DACH2: variants seen among roughly 807,000 people sequenced by gnomAD.
DACH2 encodes dachshund homolog 2.
A neutral mutation model predicts 35.8 loss-of-function variants in DACH2; 17 were observed. The observed-to-expected ratio is 0.48, with a 90% CI of 0.33 to 0.71. DACH2 has a LOEUF of 0.71. DACH2 is among the 30% of genes least tolerant of loss of function. The pLI, the probability that DACH2 is intolerant of heterozygous loss-of-function variation, is 0.02. For missense variants in DACH2, 469 were observed against 472.7 expected (o/e 0.99, Z 0.07); for synonymous variants, 195 against 177.3 (o/e 1.10, Z -0.79).
chrX:86,364,556 C>A (rs894067037), intron 1 of DACH2, among the ~76,000 whole-genome samples: 1 of 110,989 alleles, frequency 9.0e-6, no homozygotes, highest in Admixed American at 9.7e-5. Context: ...GCTAAGGAAT[C>A]CTAAACAAGG....
At chrX:86,339,034 A>C (rs2035368320) in intron 1 of DACH2, among the ~76,000 whole-genome samples, 1 of 111,866 alleles carries the variant, frequency 8.9e-6, no homozygotes, top group Admixed American at 9.5e-5. Context: ...CAAATCCCTG[A>C]ATAGACCAAT....
chrX:86,434,531 A>G (rs2037036615), intron 2 of DACH2, among the ~76,000 whole-genome samples: 2 of 111,888 alleles, frequency 1.8e-5, no homozygotes, highest in Admixed American at 1.9e-4. Context: ...AAGTATAGAA[A>G]CATTTCATTA....
intron 1 of DACH2, among the ~76,000 whole-genome samples, chrX:86,195,076 C>T (rs867882751): frequency 1.8e-5 from 2 of 113,095 alleles, no homozygotes; most frequent in Middle Eastern, 9.2e-3. Context: ...CCCCACACTG[C>T]AGCTTCCCCT....
At chrX:86,804,773 G>A (rs1229819495) in intron 7 of DACH2, among the ~76,000 whole-genome samples, 1 of 112,603 alleles carries the variant, frequency 8.9e-6, no homozygotes, top group African/African-American at 3.2e-5. Context: ...CTGAAACCTA[G>A]CAGCGCAGTC....
intron 2 of DACH2, among the ~76,000 whole-genome samples, chrX:86,473,398 A>T (rs2037790955): frequency 9.0e-6 from 1 of 110,749 alleles, no homozygotes; most frequent in African/African-American, 3.3e-5. Flanking sequence ...TTTTTTAAAA[A>T]TGTACAATTA....
intron 1 of DACH2, among the ~76,000 whole-genome samples, chrX:86,185,889 TA>T (rs1490740605): frequency 8.9e-6 from 1 of 112,315 alleles, no homozygotes; most frequent in Non-Finnish European, 1.9e-5. Context: ...GCCATCTTTA[TA>T]TAGGGTTTAA....
In DACH2 at chrX:86,649,029, C is replaced by T. The variant is rs960281527; in HGVS notation, c.641-2007C>T. On this transcript the variant is annotated intron_variant, in intron 3 of 11. Transcript: ENST00000373125. ...TTCCATCAGGAAACTTGGTCTTCTGCTCCATATCTTCACCTAAATAACTGA... is the reference window on the plus strand; with the variant it reads ...TTCCATCAGGAAACTTGGTCTTCTGTTCCATATCTTCACCTAAATAACTGA... Among the ~76,000 whole-genome samples the T allele has an allele frequency of 4.5e-5, 5 of 110,135 alleles. No individual in the cohort carries two copies. The Admixed American group carries it at 4.9e-4, about 11-fold the overall frequency.
intron 3 of DACH2, among the ~76,000 whole-genome samples, chrX:86,523,645 G>A (rs2038590842): frequency 9.0e-6 from 1 of 110,598 alleles, no homozygotes; most frequent in South Asian, 3.9e-4. Context: ...CTGATTGGTT[G>A]AGGAATGAAA....
intron 1 of DACH2, among the ~76,000 whole-genome samples, chrX:86,182,300 A>G (rs2031520194): frequency 8.9e-6 from 1 of 111,903 alleles, no homozygotes; most frequent in Admixed American, 9.5e-5. Context: ...GTTTTCTTAT[A>G]GGATTTTTAT....
At chrX:86,184,019 A>G (rs2031597764) in intron 1 of DACH2, among the ~76,000 whole-genome samples, 1 of 110,597 alleles carries the variant, frequency 9.0e-6, no homozygotes. Flanking sequence ...ATCAGTGGTG[A>G]TATCCCTTTT....
chrX:86,819,851 T>G (rs2042491691), intron 11 of DACH2, among the ~76,000 whole-genome samples: 1 of 111,666 alleles, frequency 9.0e-6, no homozygotes, highest in South Asian at 3.7e-4. Flanking sequence ...GAACAGAAAA[T>G]AACATCATTT....
chrX:86,661,828 T>G (rs1487682186), intron 4 of DACH2, among the ~76,000 whole-genome samples: 7 of 112,194 alleles, frequency 6.2e-5, no homozygotes, highest in Non-Finnish European at 1.3e-4. Flanking sequence ...AAAATAGATT[T>G]TCATACACCA....
intron 2 of DACH2, among the ~76,000 whole-genome samples, chrX:86,397,945 G>T (rs2036333097): frequency 9.0e-6 from 1 of 111,625 alleles, no homozygotes; most frequent in African/African-American, 3.3e-5. Context: ...CTATTGATTG[G>T]AATAGTTTCA....
intron 1 of DACH2, among the ~76,000 whole-genome samples, chrX:86,284,415 T>C (rs1400421795): frequency 3.6e-5 from 4 of 111,829 alleles, no homozygotes; most frequent in Non-Finnish European, 7.5e-5. Context: ...TGTTGAACCA[T>C]CCTAGTATCC....
At chrX:86,227,966 T>C (rs1411571260) in intron 1 of DACH2, among the ~76,000 whole-genome samples, 3 of 111,309 alleles carry the variant, frequency 2.7e-5, no homozygotes, top group Non-Finnish European at 5.7e-5. Context: ...TTTATTATTT[T>C]TTTAATTTTA....
intron 2 of DACH2, among the ~76,000 whole-genome samples, chrX:86,453,180 G>A (rs1437026096): frequency 8.9e-6 from 1 of 111,851 alleles, no homozygotes; most frequent in Non-Finnish European, 1.9e-5. Flanking sequence ...TGGTCTGAAA[G>A]ACTGTTATGA....
chrX:86,216,324 C>T lies in DACH2; in HGVS notation c.488+67216C>T, dbSNP rs191056361. 2.8e-3 allele frequency among the ~76,000 whole-genome samples: 316 copies of T among 111,344 alleles called. 1 individual carries two copies. Among genetic ancestry groups the T allele is most frequent in the African/African-American group, 1.0e-2 (305 of 30,617 alleles). ...GCTGTACCCATCAACTCTTCATTTA[C>T]ATTAGGTATTCCTCCTAATGCTATC... On this transcript the variant is annotated intron_variant, in intron 1 of 11. Coordinates refer to ENST00000373125, the MANE Select transcript of DACH2 (RefSeq NM_053281.3).
intron 2 of DACH2, among the ~76,000 whole-genome samples, chrX:86,427,542 G>A (rs1178035736): frequency 1.8e-5 from 2 of 110,940 alleles, no homozygotes; most frequent in South Asian, 3.7e-4. Flanking sequence ...AAGTATTTCC[G>A]CTGGTTTAGA....
intron 3 of DACH2, among the ~76,000 whole-genome samples, chrX:86,564,655 TA>T (rs1439706092): frequency 9.0e-6 from 1 of 111,434 alleles, no homozygotes; most frequent in Admixed American, 9.6e-5. Flanking sequence ...ATCTTAATAA[TA>T]AGAGACTGTC....
Sources: allele counts gnomAD v4.1 joint callset (sites outside exome capture counted in the v4.1 genomes callset), GRCh38; gene constraint gnomAD v4.1.1; transcripts MANE v1.5; gene names NCBI Gene and HGNC (gene_info 2026-07-23, HGNC 2026-07-21).